The following UFC1 variants were observed in gnomAD, a reference collection of about 807,000 sequenced individuals.
UFC1 encodes ubiquitin-fold modifier conjugating enzyme 1, also known as ubiquitin-fold modifier-conjugating enzyme 1.
A neutral mutation model predicts 28.0 loss-of-function variants in UFC1; 22 were observed. That is an observed-to-expected ratio of 0.78 (90% CI 0.56 to 1.12). UFC1 has a LOEUF of 1.12. UFC1 is among the 50% of genes most tolerant of loss of function. UFC1 has a pLI of 0.00. For missense variants in UFC1, 189 were observed against 207.8 expected, an observed-to-expected ratio of 0.91 and a Z score of 0.56; for synonymous variants, 61 against 74.5, an observed-to-expected ratio of 0.82 and a Z score of 0.93.
At chr1:161,154,538 G>T (rs924778822) in intron 1 of UFC1, among the ~76,000 whole-genome samples, 2 of 152,154 alleles carry the variant, frequency 1.3e-5, no homozygotes, top group Admixed American at 6.5e-5. Context: ...AGGCTGGAGT[G>T]CAGTGGCGCG....
rs1657636995 is a variant in UFC1 at position 161,158,743 on chromosome 1, C to T, written c.*251C>T. ...ACAATCTAGAGGTAATTTATATCCG[C>T]CCCCAGGTGGAGCAACATGCGATTC... is the stretch of plus-strand genomic sequence containing the variant. On this transcript the variant is annotated 3_prime_UTR_variant, in exon 6 of 6. Transcript: ENST00000368003. 2.0e-6 allele frequency: 1 copy of T among 499,716 alleles called. No individual in the cohort carries two copies. The highest frequency in any genetic ancestry group is 3.2e-5 in the Admixed American group (1 of 31,030). The allele number at this position is 499,716 out of a possible 1,614,324, so 31.0% of individuals were successfully genotyped here. A position where few individuals can be genotyped will look rare whatever the true frequency, so the allele number is the denominator to read the frequency against.
At chr1:161,158,339 C>G in intron 5 of UFC1, 73 bp from the exon 6 acceptor site, 1 of 1,598,038 alleles carries the variant, frequency 6.3e-7, no homozygotes, top group Non-Finnish European at 8.6e-7. Context: ...GAATCTGTCT[C>G]CAGGAAGGAG....
At chr1:161,156,374 A>C (rs1657503898) in intron 1 of UFC1, among the ~76,000 whole-genome samples, 1 of 151,178 alleles carries the variant, frequency 6.6e-6, no homozygotes, top group East Asian at 1.9e-4. Context: ...ACTAAAAAAA[A>C]AAAAAATACA....
intron 1 of UFC1, 53 bp from the exon 2 acceptor site, chr1:161,156,897 G>T: frequency 6.8e-7 from 1 of 1,467,682 alleles, no homozygotes; most frequent in Non-Finnish European, 9.4e-7. Context: ...GAGGAGAGGG[G>T]GACTGCCCTT....
intron 1 of UFC1, 93 bp from the exon 2 acceptor site, chr1:161,156,857 A>G: frequency 4.3e-6 from 5 of 1,156,212 alleles, no homozygotes; most frequent in Non-Finnish European, 6.3e-6. Flanking sequence ...AAAATAAAAA[A>G]TAAAAAAAAT....
rs1657530082 is a variant in UFC1 at position 161,157,024 on chromosome 1, A to G, written c.191+7A>G. On this transcript the variant is annotated splice_region_variant and intron_variant, in intron 2 of 5. Coordinates refer to ENST00000368003, the MANE Select transcript of UFC1 (RefSeq NM_016406.4). ...CCAACAAGGAAGGAACTCGGTAGGTAGACCCTCTTGGGAGGTGTGGGGTGG... is the reference window on the plus strand; with the variant it reads ...CCAACAAGGAAGGAACTCGGTAGGTGGACCCTCTTGGGAGGTGTGGGGTGG... 6.2e-7 allele frequency: 1 copy of G among 1,613,826 alleles called. No homozygotes were observed. Among genetic ancestry groups the G allele is most frequent in the Non-Finnish European group, 8.5e-7 (1 of 1,179,836 alleles).
At chr1:161,158,033 C>T (rs1441478910) in intron 4 of UFC1, 88 bp from the exon 5 acceptor site, 34 of 1,155,714 alleles carry the variant, frequency 2.9e-5, no homozygotes, top group Non-Finnish European at 4.0e-5. Flanking sequence ...CAATTCTGAT[C>T]ACTAGTAGTC....
chr1:161,155,424 A>G (rs1165453040), intron 1 of UFC1, among the ~76,000 whole-genome samples: 1 of 152,216 alleles, frequency 6.6e-6, no homozygotes, highest in East Asian at 1.9e-4. Context: ...AGGGAATGGT[A>G]GACAAAGCTA....
chr1:161,155,979 G>C (rs1399235278), intron 1 of UFC1, among the ~76,000 whole-genome samples: 1 of 152,200 alleles, frequency 6.6e-6, no homozygotes, highest in Non-Finnish European at 1.5e-5. Flanking sequence ...TCATTAGCCT[G>C]TGGGTGTTAG....
chr1:161,157,510 G>C (rs1220398060), intron 3 of UFC1, 107 bp from the exon 4 acceptor site: 2 of 1,290,318 alleles, frequency 1.6e-6, no homozygotes, highest in Admixed American at 3.7e-5. Context: ...GTGCTCCTTG[G>C]GGAGTTTTAC....
intron 4 of UFC1, 70 bp downstream of exon 4, chr1:161,157,763 A>C (rs536578360): frequency 7.7e-7 from 1 of 1,303,638 alleles, no homozygotes; most frequent in African/African-American, 1.5e-5. Flanking sequence ...CGGGAGGGAG[A>C]GCATCAGGAA....
At chr1:161,157,818 A>G (rs1052667516) in intron 4 of UFC1, 125 bp downstream of exon 4, 54 of 800,626 alleles carry the variant, frequency 6.7e-5, no homozygotes, top group South Asian at 3.7e-4. Context: ...TGATGGGATG[A>G]TCTATGTGTA....
chr1:161,156,362 C>G (rs1477655452), intron 1 of UFC1, among the ~76,000 whole-genome samples: 1 of 150,084 alleles, frequency 6.7e-6, no homozygotes, highest in East Asian at 1.9e-4. Flanking sequence ...AACCCCATCT[C>G]TACTAAAAAA....
intron 1 of UFC1, among the ~76,000 whole-genome samples, chr1:161,155,907 AGTT>A (rs1341379375): frequency 6.6e-6 from 1 of 152,244 alleles, no homozygotes; most frequent in African/African-American, 2.4e-5. Flanking sequence ...GTCAACATAC[AGTT>A]GGATACTAAA....
chr1:161,156,192 C>G (rs1657498560), intron 1 of UFC1, among the ~76,000 whole-genome samples: 1 of 152,142 alleles, frequency 6.6e-6, no homozygotes, highest in South Asian at 2.1e-4. Flanking sequence ...CCAGTATAGC[C>G]TTGTCTTCAG....
At chr1:161,154,546 G>A (rs1310081633) in intron 1 of UFC1, among the ~76,000 whole-genome samples, 3 of 152,058 alleles carry the variant, frequency 2.0e-5, no homozygotes, top group East Asian at 1.9e-4. Context: ...GTGCAGTGGC[G>A]CGATCTCGGC....
chr1:161,157,662 G>A lies in UFC1; in HGVS notation c.301G>A (p.Glu101Lys), dbSNP rs772480455. 1 of 1,614,054 alleles carries A rather than the reference G, an allele frequency of 6.2e-7. No individual in the cohort carries two copies. The highest frequency in any genetic ancestry group is 1.1e-5 in the South Asian group (1 of 91,082). Residue 101 changes from glutamate (E) to lysine (K), a missense_variant, in exon 4 of 6, where the codon GAG becomes AAG. Physicochemically the swap from Glu to Lys is moderately conservative, Grantham distance 56 (BLOSUM62 1). Transcript: ENST00000368003. The stretch of plus-strand genomic sequence containing the variant: ...TACTGCCCCAGAAATTGCAGTTCCT[G>A]AGCTGGATGGAAAGACAGCAAAGAT... ...PTTAPEIAVP[E>K]LDGKTAKMYR... is the part of the protein sequence containing the mutation.
chr1:161,157,109 C>CA lies in UFC1; in HGVS notation c.191+93dup, dbSNP rs1571265765. ...GCGCCCACTACCAAAGCTGCCCTGT[C>CA]ACATGTTAGCTGTCTCCACTCCCAC... On this transcript the variant is annotated intron_variant, in intron 2 of 5. Transcript: ENST00000368003. The CA allele has an allele frequency of 4.7e-6, 7 of 1,496,372 alleles. No individual in the cohort carries two copies. In the East Asian group the frequency reaches 1.6e-4, roughly 34 times the overall value. The allele number at this position is 1,496,372 out of a possible 1,614,324, so 92.7% of individuals were successfully genotyped here. A position where few individuals can be genotyped will look rare whatever the true frequency, so the allele number is the denominator to read the frequency against.
At chr1:161,157,918 AGG>A in intron 4 of UFC1, 1 of 631,048 alleles carries the variant, frequency 1.6e-6, no homozygotes, top group Non-Finnish European at 2.7e-6. Context: ...AAAAAAAAAA[AGG>A]AAGAACTTTG....
Sources: allele counts gnomAD v4.1 joint callset (sites outside exome capture counted in the v4.1 genomes callset), GRCh38; gene constraint gnomAD v4.1.1; transcripts MANE v1.5; gene names NCBI Gene and HGNC (gene_info 2026-07-23, HGNC 2026-07-21).